The following C6orf132 variants were observed in gnomAD, a reference collection of about 807,000 sequenced individuals.
C6orf132 encodes chromosome 6 open reading frame 132, also known as uncharacterized protein C6orf132.
In C6orf132, 43 loss-of-function variants were observed where a neutral mutation model predicts 65.3. The observed-to-expected ratio is 0.66, with a 90% confidence interval of 0.52 to 0.85. The LOEUF is 0.85. Ranked by LOEUF, C6orf132 falls within the 40% of genes least tolerant of loss-of-function variation. The pLI is 0.00. For synonymous variants in C6orf132, 631 were observed against 654.1 expected, an observed-to-expected ratio of 0.96 and a Z score of 0.54; for missense variants, 1,488 against 1,548.8, an observed-to-expected ratio of 0.96 and a Z score of 0.66.
At chr6:42,132,781 C>G (rs373625716) in intron 1 of C6orf132, among the ~76,000 whole-genome samples, 1 of 149,288 alleles carries the variant, frequency 6.7e-6, no homozygotes, top group Non-Finnish European at 1.5e-5. Context: ...CGCTTAAACC[C>G]GGGAAGCAGA....
intron 1 of C6orf132, among the ~76,000 whole-genome samples, chr6:42,133,845 G>C (rs1454868480): frequency 1.0e-5 from 1 of 99,556 alleles, no homozygotes; most frequent in South Asian, 2.5e-4. Context: ...GGGGCGGGGC[G>C]GGGGAGGTGG....
chr6:42,123,382 CA>C (rs546008317), intron 2 of C6orf132, among the ~76,000 whole-genome samples: 137 of 101,704 alleles, frequency 1.3e-3, no homozygotes, highest in African/African-American at 4.1e-3. Context: ...GACTCCATCT[CA>C]AAAAAAAAAA....
chr6:42,109,250 T>A (rs549243743), intron 3 of C6orf132, among the ~76,000 whole-genome samples: 42 of 152,096 alleles, frequency 2.8e-4, no homozygotes, highest in African/African-American at 1.0e-3. Context: ...CTGGCCAACA[T>A]GGTGAAACAC....
chr6:42,118,528 C>T (rs1356111298), intron 2 of C6orf132, among the ~76,000 whole-genome samples: 8 of 152,176 alleles, frequency 5.3e-5, no homozygotes, highest in East Asian at 1.9e-4. Context: ...CATGGCCCTC[C>T]GAGTGTGGCA....
intron 1 of C6orf132, among the ~76,000 whole-genome samples, chr6:42,136,886 GC>G (rs137933587): frequency 4.6e-5 from 7 of 151,960 alleles, no homozygotes; most frequent in Non-Finnish European, 8.8e-5. Context: ...GAATGGCGCC[GC>G]CCCCCCAGCC....
intron 1 of C6orf132, among the ~76,000 whole-genome samples, chr6:42,139,596 T>C (rs543139488): frequency 1.8e-4 from 27 of 152,394 alleles, no homozygotes; most frequent in Admixed American, 3.3e-4. Context: ...GGACTGTAGT[T>C]TGCCAATCCT....
At chr6:42,114,059 TGGGA>T (rs1188791750) in intron 2 of C6orf132, among the ~76,000 whole-genome samples, 2 of 152,142 alleles carry the variant, frequency 1.3e-5, no homozygotes, top group Admixed American at 6.6e-5. Context: ...ATGGTGTGTG[TGGGA>T]GGAAGACGGA....
At chr6:42,120,771 GC>G (rs1483545706) in intron 2 of C6orf132, among the ~76,000 whole-genome samples, 1 of 151,872 alleles carries the variant, frequency 6.6e-6, no homozygotes, top group Non-Finnish European at 1.5e-5. Flanking sequence ...ACAGGTGCAT[GC>G]CACCATGCCC....
At chr6:42,125,576 C>T (rs538908217) in intron 2 of C6orf132, among the ~76,000 whole-genome samples, 231 of 152,300 alleles carry the variant, frequency 1.5e-3, no homozygotes, top group African/African-American at 4.5e-3. Flanking sequence ...AAATGAGGCC[C>T]CTTTCAGCCG....
chr6:42,134,496 G>A (rs533685061), intron 1 of C6orf132, among the ~76,000 whole-genome samples: 5 of 152,222 alleles, frequency 3.3e-5, no homozygotes, highest in South Asian at 2.1e-4. Context: ...CCTGGCGGCC[G>A]GGCACAGTAG....
intron 2 of C6orf132, among the ~76,000 whole-genome samples, chr6:42,117,827 G>A (rs931963025): frequency 1.8e-4 from 23 of 127,444 alleles, no homozygotes; most frequent in African/African-American, 6.4e-4. Context: ...GGGAGGCTGA[G>A]GCAGGAGAAT....
In C6orf132 at chr6:42,104,527, C is replaced by G. The variant is rs1766353362; in HGVS notation, c.3385G>C (p.Ala1129Pro). Residue 1129 changes from alanine (A) to proline (P), a missense_variant, in exon 4 of 5, where the codon GCC becomes CCC. Ala to Pro is a conservative substitution (Grantham distance 27). Transcript: ENST00000341865. The surrounding 1 kb of genome is among the most constrained non-coding windows in gnomAD (Gnocchi z 4.1). ...GGCGCTTTGTGCTTGGCCTCCGCGGCGCCCCGGGCGGCGCCCTCCAGGGAC... is the reference window on the plus strand; with the variant it reads ...GGCGCTTTGTGCTTGGCCTCCGCGGGGCCCCGGGCGGCGCCCTCCAGGGAC... ...RLSLEGAARGAAEAKHKAPGS... is the reference protein window; with the variant it reads ...RLSLEGAARGPAEAKHKAPGS... 8.1e-7 allele frequency: 1 copy of G among 1,234,628 alleles called. No individual in the cohort carries two copies. Among genetic ancestry groups the G allele is most frequent in the African/African-American group, 1.6e-5 (1 of 64,260 alleles). 76.5% of individuals were successfully genotyped at this position (1,234,628 alleles called of 1,614,324 possible). A position where few individuals can be genotyped will look rare whatever the true frequency, so the allele number is the denominator to read the frequency against.
chr6:42,132,339 C>G (rs1766866919), intron 1 of C6orf132, among the ~76,000 whole-genome samples: 1 of 150,248 alleles, frequency 6.7e-6, no homozygotes, highest in Admixed American at 6.7e-5. Context: ...CATGGTGAAA[C>G]CCCGTCTCTA....
chr6:42,142,037 G>A, intron 1 of C6orf132, among the ~76,000 whole-genome samples: 1 of 152,076 alleles, frequency 6.6e-6, no homozygotes. Context: ...AATAAGGCCT[G>A]GGGTCAGAGG....
chr6:42,121,521 A>G (rs1469887957), intron 2 of C6orf132, among the ~76,000 whole-genome samples: 1 of 152,220 alleles, frequency 6.6e-6, no homozygotes, highest in Non-Finnish European at 1.5e-5. Context: ...TGATGGCCCC[A>G]GTCCACCCCA....
chr6:42,125,823 C>T (rs71558780), intron 2 of C6orf132, among the ~76,000 whole-genome samples: 2,799 of 151,852 alleles, frequency 0.018, 40 homozygotes, highest in South Asian at 0.029. Flanking sequence ...GAGTCATGTT[C>T]TGCCCAGACC....
intron 1 of C6orf132, among the ~76,000 whole-genome samples, chr6:42,138,251 A>G (rs1305490340): frequency 2.0e-5 from 3 of 151,958 alleles, no homozygotes; most frequent in African/African-American, 7.3e-5. Context: ...GGCTCAAGCA[A>G]TCCTCCTGCC....
intron 3 of C6orf132, among the ~76,000 whole-genome samples, chr6:42,108,543 T>C (rs549027286): frequency 1.3e-5 from 2 of 152,226 alleles, no homozygotes; most frequent in South Asian, 4.2e-4. Flanking sequence ...AGGGAGCAAT[T>C]TGCACAAACT....
intron 1 of C6orf132, among the ~76,000 whole-genome samples, chr6:42,135,680 G>A (rs938698656): frequency 3.3e-5 from 5 of 152,234 alleles, no homozygotes; most frequent in Non-Finnish European, 5.9e-5. Flanking sequence ...CCAAACTAGA[G>A]AGAAAATTAA....
Sources: allele counts gnomAD v4.1 joint callset (sites outside exome capture counted in the v4.1 genomes callset), GRCh38; gene constraint gnomAD v4.1.1; non-coding constraint Gnocchi (gnomAD v3.1); transcripts MANE v1.5; gene names NCBI Gene and HGNC (gene_info 2026-07-23, HGNC 2026-07-21).